Variants in SPATA31H1 observed in about 807,000 individuals in gnomAD.
The protein encoded by SPATA31H1 is SPATA31 subfamily H member 1.
the SPATA31H1 span, chr2:27,579,638 C>T: frequency 2.9e-4 from 464 of 1,614,098 alleles, 1 homozygote; most frequent in Non-Finnish European, 3.7e-4. Context: ...GTGCAGGGGG[C>T]CAGCTTCCTG....
chr2:27,569,180 A>T, the SPATA31H1 span: 1 of 399,002 alleles, frequency 2.5e-6, no homozygotes. Context: ...AACACACAAC[A>T]AAAGAATCTC....
chr2:27,547,938 A>G, the SPATA31H1 span, among the ~76,000 whole-genome samples: 2 of 151,458 alleles, frequency 1.3e-5, no homozygotes, highest in Admixed American at 6.6e-5. Flanking sequence ...AAATAGTTAA[A>G]CACAATACCA....
the SPATA31H1 span, chr2:27,574,681 C>A: frequency 8.4e-4 from 335 of 398,540 alleles, no homozygotes; most frequent in South Asian, 2.0e-3. Context: ...GATGTTAAAT[C>A]TGTAGAATTC....
chr2:27,555,905 G>A, the SPATA31H1 span, among the ~76,000 whole-genome samples: 5 of 151,902 alleles, frequency 3.3e-5, no homozygotes, highest in South Asian at 4.2e-4. Context: ...AAGCTGAGGC[G>A]AGCGGATCAT....
the SPATA31H1 span, among the ~76,000 whole-genome samples, chr2:27,538,216 A>G: frequency 2.6e-5 from 4 of 151,678 alleles, no homozygotes; most frequent in Non-Finnish European, 5.9e-5. Context: ...AAAGACATCA[A>G]AGATTTTAAA....
chr2:27,547,490 G>C, the SPATA31H1 span, among the ~76,000 whole-genome samples: 1 of 151,876 alleles, frequency 6.6e-6, no homozygotes. Flanking sequence ...TTTGACCTTT[G>C]AAGTTGTCTT....
chr2:27,541,115 A>T, the SPATA31H1 span, among the ~76,000 whole-genome samples: 1 of 144,412 alleles, frequency 6.9e-6, no homozygotes, highest in African/African-American at 2.6e-5. Flanking sequence ...CACTGAGTGA[A>T]GGAGACTCCG....
the SPATA31H1 span, among the ~76,000 whole-genome samples, chr2:27,545,485 G>C: frequency 6.6e-6 from 1 of 151,810 alleles, no homozygotes; most frequent in Non-Finnish European, 1.5e-5. Flanking sequence ...GATGACACCA[G>C]TTTTCTAAAG....
chr2:27,581,989 G>A, the SPATA31H1 span: 21 of 1,607,762 alleles, frequency 1.3e-5, no homozygotes, highest in East Asian at 6.8e-5. Flanking sequence ...GAGAGAAGAC[G>A]TCACAGTCCC....
At chr2:27,541,642 T>C in the SPATA31H1 span, among the ~76,000 whole-genome samples, 1 of 152,050 alleles carries the variant, frequency 6.6e-6, no homozygotes. Context: ...AAGTTGTGAA[T>C]GTGGTGGGAG....
At chr2:27,573,266 G>A in the SPATA31H1 span, 4,358 of 397,610 alleles carry the variant, frequency 0.011, 181 homozygotes, top group African/African-American at 0.082. Flanking sequence ...AAATTCTGGC[G>A]TCAACCTCAG....
the SPATA31H1 span, chr2:27,537,419 G>T: frequency 8.4e-3 from 5,989 of 717,146 alleles, 236 homozygotes; most frequent in African/African-American, 0.093. Flanking sequence ...AGAGCATGGG[G>T]TTGAGAAATG....
chr2:27,572,471 G>C, the SPATA31H1 span: 2 of 398,230 alleles, frequency 5.0e-6, no homozygotes, highest in African/African-American at 4.1e-5. Flanking sequence ...CATCTAAATT[G>C]GTTCTAGAGC....
the SPATA31H1 span, chr2:27,568,081 T>G: frequency 5.0e-6 from 2 of 398,850 alleles, no homozygotes; most frequent in Admixed American, 8.8e-5. Flanking sequence ...CTGAATCAAG[T>G]CACAGATAAT....
chr2:27,577,918 G>T, the SPATA31H1 span: 1 of 1,613,968 alleles, frequency 6.2e-7, no homozygotes, highest in African/African-American at 1.3e-5. The surrounding 1 kb of genome is among the most constrained non-coding windows in gnomAD (Gnocchi z 4.5). Context: ...GTATCAATGG[G>T]GCTAACAAAG....
chr2:27,579,209 C>G, the SPATA31H1 span: 1 of 1,614,120 alleles, frequency 6.2e-7, no homozygotes. Flanking sequence ...AGAGTCATGC[C>G]TGGAGGCAGC....
At chr2:27,582,560 A>G in the SPATA31H1 span, 1 of 1,541,670 alleles carries the variant, frequency 6.5e-7, no homozygotes, top group South Asian at 1.3e-5. Flanking sequence ...CATTGTCCTA[A>G]GTCTTCATCG....
At chr2:27,580,520 G>T in the SPATA31H1 span, 7 of 1,614,062 alleles carry the variant, frequency 4.3e-6, 1 homozygote, top group Admixed American at 1.2e-4. Flanking sequence ...GTCCTTCTAG[G>T]GAATTAGCAG....
chr2:27,565,431 A>G, the SPATA31H1 span: 6 of 716,956 alleles, frequency 8.4e-6, no homozygotes, highest in East Asian at 5.4e-5. Context: ...TAACAGACCA[A>G]TTGTGGGTCA....
Sources: gnomAD v4.1 joint callset for allele counts (sites outside exome capture counted in the v4.1 genomes callset) on GRCh38, gnomAD v4.1.1 for gene constraint, Gnocchi (gnomAD v3.1) non-coding constraint, MANE v1.5 for transcripts, NCBI Gene and HGNC (gene_info 2026-07-23, HGNC 2026-07-21) for gene names.